The following PCDH17 variants were observed in gnomAD, a reference collection of about 807,000 sequenced individuals.
PCDH17 encodes protocadherin 17.
In PCDH17, 21 loss-of-function variants were observed where a neutral mutation model predicts 67.7. The observed-to-expected ratio is 0.31, with a 90% CI of 0.22 to 0.45. PCDH17 has a LOEUF of 0.45. Ranked by LOEUF, PCDH17 falls within the 20% of genes least tolerant of loss-of-function variation. PCDH17 has a pLI of 1.00. For synonymous variants in PCDH17, 701 were observed against 656.7 expected (o/e 1.07, Z -1.03); for missense variants, 1,471 against 1,564.8 (o/e 0.94, Z 1.01).
chr13:57,710,997 CAT>C (rs1955771193), intron 3 of PCDH17, among the ~76,000 whole-genome samples: 3 of 151,872 alleles, frequency 2.0e-5, no homozygotes. Flanking sequence ...CACACACACA[CAT>C]ATGTAAGGTC....
intron 3 of PCDH17, among the ~76,000 whole-genome samples, chr13:57,715,187 C>G (rs1482606628): frequency 6.6e-6 from 1 of 151,742 alleles, no homozygotes; most frequent in East Asian, 1.9e-4. Flanking sequence ...ATGCATATCT[C>G]ACAGCAATAG....
intron 3 of PCDH17, among the ~76,000 whole-genome samples, chr13:57,716,456 G>A (rs1955817332): frequency 6.6e-6 from 1 of 151,830 alleles, no homozygotes; most frequent in Non-Finnish European, 1.5e-5. Context: ...TCCCATGTGA[G>A]GTGTGTTTCT....
chr13:57,632,592 C>G lies in PCDH17; in HGVS notation c.46C>G (p.Leu16Val), dbSNP rs148818309. 36 of 1,613,918 alleles carry G rather than the reference C, an allele frequency of 2.2e-5. No individual in the cohort carries two copies. The highest frequency in any genetic ancestry group is 3.0e-5 in the Non-Finnish European group (35 of 1,179,938). ...CCCFLLWAPA[L>V]TLKNLNYSVP... Reference sequence around the variant, plus strand: ...CTGCTTTCTTCTATGGGCCCCTGCCCTCACTCTCAAGAACCTCAACTACTC... The same window carrying G: ...CTGCTTTCTTCTATGGGCCCCTGCCGTCACTCTCAAGAACCTCAACTACTC... The change falls in exon 1 of 4, where the codon CTC (leucine) becomes GTC (valine). Residue 16 changes from leucine to valine, a missense_variant. Coordinates refer to ENST00000377918, the MANE Select transcript of PCDH17 (RefSeq NM_001040429.3).
At chr13:57,638,833 G>A (rs921801651) in intron 1 of PCDH17, among the ~76,000 whole-genome samples, 2 of 151,864 alleles carry the variant, frequency 1.3e-5, no homozygotes, top group South Asian at 2.1e-4. Flanking sequence ...AACATTACCC[G>A]CTGTATGCCT....
chr13:57,640,210 C>T (rs932862188), intron 1 of PCDH17, among the ~76,000 whole-genome samples: 14 of 151,844 alleles, frequency 9.2e-5, no homozygotes, highest in African/African-American at 2.7e-4. Flanking sequence ...ACTGTTAGTG[C>T]TGCTTGCTGC....
At chr13:57,717,575 G>A (rs1955830197) in intron 3 of PCDH17, among the ~76,000 whole-genome samples, 1 of 151,884 alleles carries the variant, frequency 6.6e-6, no homozygotes, top group Admixed American at 6.6e-5. Flanking sequence ...AGCTGTGATT[G>A]GATTCACTTG....
chr13:57,700,562 G>T (rs149756394), intron 3 of PCDH17, among the ~76,000 whole-genome samples: 273 of 152,080 alleles, frequency 1.8e-3, no homozygotes, highest in African/African-American at 6.4e-3. Context: ...ACTACACAAA[G>T]ATTATGTATG....
At chr13:57,664,146 T>C (rs908709069) in intron 1 of PCDH17, among the ~76,000 whole-genome samples, 4 of 152,058 alleles carry the variant, frequency 2.6e-5, no homozygotes, top group Admixed American at 2.6e-4. Flanking sequence ...CAAGTGATCC[T>C]CCTGCCTCCA....
chr13:57,656,626 G>A (rs1955108615), intron 1 of PCDH17, among the ~76,000 whole-genome samples: 1 of 152,082 alleles, frequency 6.6e-6, no homozygotes, highest in South Asian at 2.1e-4. Flanking sequence ...AAAGTCTTCA[G>A]TATTCTTAAC....
chr13:57,648,677 TG>T (rs981012595), intron 1 of PCDH17, among the ~76,000 whole-genome samples: 19 of 152,038 alleles, frequency 1.2e-4, no homozygotes, highest in African/African-American at 4.1e-4. Flanking sequence ...AAGCTTTTAT[TG>T]TTTTTTTATG....
chr13:57,698,075 T>C (rs1291047120), intron 3 of PCDH17, among the ~76,000 whole-genome samples: 3 of 151,662 alleles, frequency 2.0e-5, no homozygotes, highest in Non-Finnish European at 4.4e-5. Flanking sequence ...ATACATATGG[T>C]GTAACATTGT....
At chr13:57,705,004 TAA>T (rs1195749563) in intron 3 of PCDH17, among the ~76,000 whole-genome samples, 1 of 152,004 alleles carries the variant, frequency 6.6e-6, no homozygotes, top group Non-Finnish European at 1.5e-5. Context: ...CAACCAGTTA[TAA>T]AGTTTGTCTC....
intron 3 of PCDH17, among the ~76,000 whole-genome samples, chr13:57,674,039 A>G (rs957022905): frequency 6.6e-6 from 1 of 151,998 alleles, no homozygotes; most frequent in Non-Finnish European, 1.5e-5. Flanking sequence ...TCTAGAATCC[A>G]GCAGCTGGTA....
chr13:57,635,306 A>G (rs1482370213), intron 1 of PCDH17, among the ~76,000 whole-genome samples, 195 bp downstream of exon 1: 1 of 152,142 alleles, frequency 6.6e-6, no homozygotes, highest in Non-Finnish European at 1.5e-5. Context: ...AATAGTCTAA[A>G]CTCTACCAAA....
chr13:57,672,139 TCAAA>T (rs1955330694), intron 3 of PCDH17, among the ~76,000 whole-genome samples: 4 of 152,074 alleles, frequency 2.6e-5, no homozygotes, highest in Non-Finnish European at 5.9e-5. Flanking sequence ...AATAGGAATA[TCAAA>T]TATCTTTGGT....
chr13:57,636,090 T>G (rs1002443017), intron 1 of PCDH17, among the ~76,000 whole-genome samples: 1 of 152,182 alleles, frequency 6.6e-6, no homozygotes, highest in African/African-American at 2.4e-5. Context: ...CAAAACTAAA[T>G]GACTGACCCA....
intron 3 of PCDH17, among the ~76,000 whole-genome samples, chr13:57,716,680 T>G (rs902600104): frequency 5.3e-5 from 8 of 151,940 alleles, no homozygotes; most frequent in Non-Finnish European, 1.2e-4. Context: ...TATGCTGGTT[T>G]CACTCTACTT....
At chr13:57,630,432 T>A (rs1193030864), upstream of PCDH17, among the ~76,000 whole-genome samples, 14 of 151,566 alleles carry the variant, frequency 9.2e-5, no homozygotes, top group Non-Finnish European at 1.9e-4. Context: ...TAGAAAAAAT[T>A]GAGAGGAAAA....
intron 3 of PCDH17, among the ~76,000 whole-genome samples, chr13:57,669,035 C>T (rs1397580614): frequency 1.3e-5 from 2 of 152,002 alleles, no homozygotes; most frequent in Non-Finnish European, 2.9e-5. Context: ...GTTCCCCTTC[C>T]TGTGTCCCAG....
Sources: gnomAD v4.1 joint callset for allele counts (sites outside exome capture counted in the v4.1 genomes callset) on GRCh38, gnomAD v4.1.1 for gene constraint, MANE v1.5 for transcripts, NCBI Gene and HGNC (gene_info 2026-07-23, HGNC 2026-07-21) for gene names.